The following PKHD1 variants were observed in gnomAD, a reference collection of about 807,000 sequenced individuals.
PKHD1 encodes the protein fibrocystin.
A neutral mutation model predicts 412.0 loss-of-function variants in PKHD1; 291 were observed. That is an observed-to-expected ratio of 0.71 (90% confidence interval 0.64 to 0.78). PKHD1 has a LOEUF of 0.78. PKHD1 is among the 30% of genes least tolerant of loss of function. PKHD1 has a pLI of 0.00. For synonymous variants in PKHD1, 1,777 were observed against 1,821.5 expected, an observed-to-expected ratio of 0.98 and a Z score of 0.62; for missense variants, 4,825 against 4,950.7, an observed-to-expected ratio of 0.97 and a Z score of 0.76.
intron 35 of PKHD1, among the ~76,000 whole-genome samples, chr6:51,976,340 A>T (rs1159977334): frequency 2.0e-5 from 3 of 152,256 alleles, no homozygotes; most frequent in Non-Finnish European, 4.4e-5. Context: ...CAAATGACAC[A>T]GCATGGATAA....
chr6:51,752,401 C>T (rs1786249953), intron 57 of PKHD1, among the ~76,000 whole-genome samples: 1 of 152,198 alleles, frequency 6.6e-6, no homozygotes, highest in South Asian at 2.1e-4. Context: ...GAAATCACCA[C>T]TGATAACGGC....
chr6:51,676,252 G>GA (rs58319131), intron 60 of PKHD1, among the ~76,000 whole-genome samples: 139,807 of 142,110 alleles, frequency 0.98, 68,768 homozygotes, highest in Admixed American at 0.99. Context: ...TAAAAGAAAA[G>GA]AAAAAAAAAA....
intron 65 of PKHD1, among the ~76,000 whole-genome samples, chr6:51,627,394 G>C (rs1364347919): frequency 6.6e-6 from 1 of 151,736 alleles, no homozygotes; most frequent in Non-Finnish European, 1.5e-5. Context: ...TGTATTGTAA[G>C]TATAATGTAC....
At chr6:51,790,001 G>A (rs1562315260) in intron 53 of PKHD1, among the ~76,000 whole-genome samples, 1 of 152,054 alleles carries the variant, frequency 6.6e-6, no homozygotes, top group Non-Finnish European at 1.5e-5. Context: ...TTTTGTCACT[G>A]GAAGTATTCA....
intron 35 of PKHD1, among the ~76,000 whole-genome samples, chr6:51,981,366 T>A (rs1292266109): frequency 5.3e-5 from 5 of 94,904 alleles, no homozygotes; most frequent in Admixed American, 3.8e-4. Flanking sequence ...TCCCTCTCCC[T>A]CTCCCTCCAC....
chr6:51,760,383 C>T (rs1054299748), intron 55 of PKHD1, among the ~76,000 whole-genome samples: 6 of 152,050 alleles, frequency 3.9e-5, no homozygotes, highest in African/African-American at 1.4e-4. Flanking sequence ...CTTGGAGGAA[C>T]AGGACACACA....
chr6:51,647,948 C>T, intron 63 of PKHD1, 83 bp downstream of exon 63: 1 of 842,638 alleles, frequency 1.2e-6, no homozygotes, highest in Non-Finnish European at 2.1e-6. Context: ...ACCAATTTTG[C>T]TATGAATTCC....
At chr6:51,798,530 A>G (rs1160186648) in intron 52 of PKHD1, among the ~76,000 whole-genome samples, 2 of 152,104 alleles carry the variant, frequency 1.3e-5, no homozygotes, top group African/African-American at 2.4e-5. Flanking sequence ...TAGGTCACCT[A>G]GCCTTTCTCT....
intron 63 of PKHD1, among the ~76,000 whole-genome samples, chr6:51,641,320 T>C (rs993024105): frequency 1.3e-5 from 2 of 152,190 alleles, no homozygotes; most frequent in Admixed American, 1.3e-4. Flanking sequence ...GGCTTGAGTG[T>C]GGCTTGGTGT....
chr6:51,905,519 T>C (rs1781944194), intron 41 of PKHD1, among the ~76,000 whole-genome samples: 1 of 152,104 alleles, frequency 6.6e-6, no homozygotes, highest in African/African-American at 2.4e-5. Context: ...GGAAAAAGTG[T>C]GGTCTTTTGA....
At chr6:52,014,041 T>C (rs1331454521) in intron 34 of PKHD1, among the ~76,000 whole-genome samples, 2 of 152,204 alleles carry the variant, frequency 1.3e-5, no homozygotes, top group African/African-American at 4.8e-5. Context: ...TGTGTGACTT[T>C]GGGAAATTAC....
chr6:52,064,808 C>T (rs1213292068), intron 13 of PKHD1, 147 bp downstream of exon 13: 1 of 487,634 alleles, frequency 2.1e-6, no homozygotes, highest in African/African-American at 2.1e-5. Context: ...AAAGGAGAGC[C>T]TTGACAATGG....
intron 13 of PKHD1, among the ~76,000 whole-genome samples, chr6:52,064,367 T>C (rs766319080): frequency 1.3e-5 from 2 of 152,242 alleles, no homozygotes; most frequent in Non-Finnish European, 2.9e-5. Flanking sequence ...GTAGGGTGGA[T>C]GCTTTAAACA....
intron 39 of PKHD1, among the ~76,000 whole-genome samples, chr6:51,911,006 C>A (rs1443954288): frequency 6.6e-6 from 1 of 152,064 alleles, no homozygotes; most frequent in African/African-American, 2.4e-5. Context: ...AGTTGGCTGG[C>A]CTGCTGGCAT....
chr6:51,887,658 T>C (rs930156471), intron 43 of PKHD1, among the ~76,000 whole-genome samples: 5 of 152,194 alleles, frequency 3.3e-5, no homozygotes, highest in Non-Finnish European at 2.9e-5. Flanking sequence ...GTTCCTGCCA[T>C]GTAAGTTGCC....
intron 60 of PKHD1, among the ~76,000 whole-genome samples, chr6:51,710,505 A>C (rs909964892): frequency 6.6e-6 from 1 of 152,104 alleles, no homozygotes; most frequent in African/African-American, 2.4e-5. Context: ...TCTATATTGT[A>C]CTTATTTATA....
intron 60 of PKHD1, among the ~76,000 whole-genome samples, chr6:51,692,290 C>CACACACAA (rs1554196079): frequency 6.7e-6 from 1 of 148,164 alleles, no homozygotes; most frequent in East Asian, 1.9e-4. Flanking sequence ...CACACACACA[C>CACACACAA]CACTGAGTTC....
At chr6:51,742,896 C>A (rs182036560) in intron 60 of PKHD1, among the ~76,000 whole-genome samples, 1 of 152,162 alleles carries the variant, frequency 6.6e-6, no homozygotes, top group Non-Finnish European at 1.5e-5. Flanking sequence ...CTGAGGGTAC[C>A]TTATTTGAAC....
chr6:51,949,761 A>T (rs1439828220), intron 36 of PKHD1, among the ~76,000 whole-genome samples: 1 of 152,054 alleles, frequency 6.6e-6, no homozygotes, highest in East Asian at 1.9e-4. Flanking sequence ...GTGAGGCATA[A>T]ATCAGGCTTT....
Sources: gnomAD v4.1 joint callset for allele counts (sites outside exome capture counted in the v4.1 genomes callset) on GRCh38, gnomAD v4.1.1 for gene constraint, MANE v1.5 for transcripts, NCBI Gene and HGNC (gene_info 2026-07-23, HGNC 2026-07-21) for gene names.